Variants in WNT8B observed in about 807,000 individuals in gnomAD.
WNT8B encodes the protein Wnt family member 8B.
A neutral mutation model predicts 36.6 loss-of-function variants in WNT8B; 24 were observed. That is an observed-to-expected ratio of 0.66 (90% confidence interval 0.48 to 0.92). The LOEUF is 0.92. WNT8B is among the 40% of genes least tolerant of loss of function. The pLI is 0.00. For synonymous variants in WNT8B, 199 were observed against 189.8 expected (o/e 1.05, Z -0.40); for missense variants, 402 against 470.8 (o/e 0.85, Z 1.35).
In WNT8B at chr10:100,482,714, A is replaced by C; in HGVS notation, c.954A>C (p.Ala318=). The C allele has an allele frequency of 1.9e-6, 3 of 1,609,012 alleles. No individual in the cohort carries two copies. The highest frequency in any genetic ancestry group is 2.2e-5 in the South Asian group (2 of 90,798). ...SCNCKFHWCC[A]VRCEQCRRRV... is the part of the protein sequence containing the mutation. Reference sequence around the variant, plus strand: ...ACTGCAAGTTCCACTGGTGCTGCGCAGTCCGCTGCGAGCAGTGCCGCCGGA... The same window carrying C: ...ACTGCAAGTTCCACTGGTGCTGCGCCGTCCGCTGCGAGCAGTGCCGCCGGA... The change falls in exon 6 of 6, where the codon GCA becomes GCC. Residue 318 remains alanine, a synonymous_variant. Transcript: ENST00000343737. The surrounding 1 kb of genome is among the most constrained non-coding windows in gnomAD (Gnocchi z 6.6).
chr10:100,468,129 A>G (rs1417823), intron 1 of WNT8B, among the ~76,000 whole-genome samples: 37,087 of 152,148 alleles, frequency 0.24, 4,753 homozygotes, highest in African/African-American at 0.31. Flanking sequence ...AGCTGTGGTT[A>G]ATTAGCAAAG....
intron 1 of WNT8B, among the ~76,000 whole-genome samples, chr10:100,467,167 GGTTT>G (rs1850915908): frequency 6.6e-6 from 1 of 151,838 alleles, no homozygotes; most frequent in Admixed American, 6.6e-5. Context: ...AAACTTTTAT[GGTTT>G]GTTTTTCTCA....
intron 1 of WNT8B, among the ~76,000 whole-genome samples, chr10:100,475,311 T>C (rs1439133293): frequency 4.6e-5 from 7 of 152,058 alleles, no homozygotes; most frequent in African/African-American, 9.7e-5. Flanking sequence ...ATCACACCAC[T>C]GTACTCAAGC....
chr10:100,478,102 G>A (rs995822284), intron 1 of WNT8B, among the ~76,000 whole-genome samples: 7 of 152,102 alleles, frequency 4.6e-5, no homozygotes, highest in African/African-American at 1.7e-4. Context: ...GTTTTAAAAG[G>A]GGCAGCCAAA....
chr10:100,466,750 G>T (rs939856287), intron 1 of WNT8B, among the ~76,000 whole-genome samples: 3 of 151,980 alleles, frequency 2.0e-5, no homozygotes, highest in African/African-American at 7.2e-5. Flanking sequence ...TCCATGGAAA[G>T]ATATTCCTTT....
chr10:100,478,118 T>C (rs1851062979), intron 1 of WNT8B, among the ~76,000 whole-genome samples: 1 of 152,158 alleles, frequency 6.6e-6, no homozygotes, highest in Non-Finnish European at 1.5e-5. Flanking sequence ...CCAAACCATT[T>C]TTCCAAATCG....
chr10:100,463,709 T>C lies in WNT8B; in HGVS notation c.68+473T>C, dbSNP rs539325241. Among the ~76,000 whole-genome samples the C allele has an allele frequency of 2.0e-5, 3 of 152,338 alleles. No homozygotes were observed. The South Asian group carries it at 6.2e-4, about 32-fold the overall frequency. ...AGTAATTGCTCAAATTATCATTTCC[T>C]AGACATAAAAAATTTTATTTGAACC... is the stretch of plus-strand genomic sequence containing the variant. On this transcript the variant is annotated intron_variant, in intron 1 of 5. Transcript: ENST00000343737.
chr10:100,465,096 T>C (rs1850895165), intron 1 of WNT8B, among the ~76,000 whole-genome samples: 1 of 152,136 alleles, frequency 6.6e-6, no homozygotes. Context: ...GGCTGTTCAA[T>C]TGTAGGCCTG....
chr10:100,463,646 G>A (rs891505583), intron 1 of WNT8B, among the ~76,000 whole-genome samples: 16 of 151,864 alleles, frequency 1.1e-4, no homozygotes, highest in African/African-American at 3.6e-4. Flanking sequence ...ATCTTACTTT[G>A]TACTTTCTGA....
At chr10:100,468,969 C>T (rs1336664263) in intron 1 of WNT8B, among the ~76,000 whole-genome samples, 3 of 152,192 alleles carry the variant, frequency 2.0e-5, no homozygotes, top group Non-Finnish European at 4.4e-5. Context: ...TGTCAATTGG[C>T]TTACAAGACT....
At chr10:100,466,519 A>C (rs909194384) in intron 1 of WNT8B, among the ~76,000 whole-genome samples, 2 of 152,176 alleles carry the variant, frequency 1.3e-5, no homozygotes, top group Non-Finnish European at 2.9e-5. Flanking sequence ...AAAGGCTGTG[A>C]GTATCCTGGG....
At chr10:100,474,572 CTTT>C (rs948732485) in intron 1 of WNT8B, among the ~76,000 whole-genome samples, 2 of 150,398 alleles carry the variant, frequency 1.3e-5, no homozygotes, top group African/African-American at 4.9e-5. Context: ...GGACAGTCTT[CTTT>C]TTTTTTTGAG....
At chr10:100,474,464 A>C (rs1851013200) in intron 1 of WNT8B, among the ~76,000 whole-genome samples, 1 of 152,032 alleles carries the variant, frequency 6.6e-6, no homozygotes, top group African/African-American at 2.4e-5. Flanking sequence ...CACAATACTC[A>C]CTATGTTTTC....
In WNT8B at chr10:100,482,086, T is replaced by C. The variant is rs1851120961; in HGVS notation, c.510+32T>C. 1 of 1,613,366 alleles carries C rather than the reference T, an allele frequency of 6.2e-7. No homozygotes were observed. The highest frequency in any genetic ancestry group is 8.5e-7 in the Non-Finnish European group (1 of 1,179,550). On this transcript the variant is annotated intron_variant, in intron 5 of 5. Transcript: ENST00000343737. This position sits in a 1 kb window ranked among gnomAD's most constrained non-coding sequence, Gnocchi z 6.6. The stretch of plus-strand genomic sequence containing the variant: ...CCCGCAGCCCTTGGAAATAGGCAGC[T>C]GCTGGCTATATCCACTACCAGCTCC...
intron 1 of WNT8B, among the ~76,000 whole-genome samples, chr10:100,470,844 C>A (rs901273048): frequency 2.6e-5 from 4 of 152,124 alleles, no homozygotes; most frequent in African/African-American, 9.7e-5. Flanking sequence ...CAGGTTCAAG[C>A]GGATTCTCCT....
intron 1 of WNT8B, among the ~76,000 whole-genome samples, chr10:100,474,138 T>C (rs2133654192): frequency 6.6e-6 from 1 of 151,706 alleles, no homozygotes; most frequent in Admixed American, 6.6e-5. Context: ...AAGTCTAGAG[T>C]TCAAGCAAAT....
At position 100,482,972 on chromosome 10, in the gene WNT8B, C is replaced by G; in HGVS notation, c.*156C>G. 2 of 854,996 alleles carry G rather than the reference C, an allele frequency of 2.3e-6. No individual in the cohort carries two copies. The highest frequency in any genetic ancestry group is 3.4e-6 in the Non-Finnish European group (2 of 585,726). The allele number at this position is 854,996 out of a possible 1,614,324, so 53.0% of individuals were successfully genotyped here. A position where few individuals can be genotyped will look rare whatever the true frequency, so the allele number is the denominator to read the frequency against. ...TTCTCCAAAGCTTGCCACTTTCCAG[C>G]CTGTTTCCCCAATTCCTCTGTGCTC... is the stretch of plus-strand genomic sequence containing the variant. On this transcript the variant is annotated 3_prime_UTR_variant, in exon 6 of 6. Coordinates refer to ENST00000343737, the MANE Select transcript of WNT8B (RefSeq NM_003393.4). This position sits in a 1 kb window ranked among gnomAD's most constrained non-coding sequence, Gnocchi z 6.6.
chr10:100,482,802 G>A lies in WNT8B; in HGVS notation c.1042G>A (p.Gly348Arg), dbSNP rs1354914559. Residue 348 changes from glycine (G) to arginine (R), a missense_variant, in exon 6 of 6, where the codon GGG becomes AGG. Gly to Arg is a moderately radical substitution (Grantham distance 125, BLOSUM62 -2). This residue lies in a region of WNT8B where 256 missense variants were observed against 278.6 expected (regional missense o/e 0.92). Coordinates refer to ENST00000343737, the MANE Select transcript of WNT8B (RefSeq NM_003393.4). This position sits in a 1 kb window ranked among gnomAD's most constrained non-coding sequence, Gnocchi z 6.6. ...RPRGGAAHKPGRKP is the reference protein window; with the variant it reads ...RPRGGAAHKPRRKP ...GCGGGGGGGCGCTGCGCACAAACCC[G>A]GGAGAAAACCCTAAGGGTTTCCTCT... 1.3e-6 allele frequency: 2 copies of A among 1,574,120 alleles called. No homozygotes were observed. The highest frequency in any genetic ancestry group is 1.7e-6 in the Non-Finnish European group (2 of 1,158,906).
chr10:100,482,396 C>G lies in WNT8B; in HGVS notation c.636C>G (p.Tyr212Ter). The G allele has an allele frequency of 6.2e-7, 1 of 1,607,274 alleles. No individual in the cohort carries two copies. The highest frequency in any genetic ancestry group is 8.5e-7 in the Non-Finnish European group (1 of 1,179,970). ...TGGGCGCGCACCTGAAGGAGAAGTA[C>G]CACGCAGCACTCAAGGTGGACCTGC... ...REVGAHLKEKYHAALKVDLLQ... is the reference protein window; with the variant it reads ...REVGAHLKEK Residue 212 changes from tyrosine (Y) to a stop codon, truncating the protein, a stop_gained, in exon 6 of 6, where the codon TAC becomes TAG. Coordinates refer to ENST00000343737, the MANE Select transcript of WNT8B (RefSeq NM_003393.4). LOFTEE classifies it high-confidence loss of function. This position sits in a 1 kb window ranked among gnomAD's most constrained non-coding sequence, Gnocchi z 6.6.
Sources: allele counts gnomAD v4.1 joint callset (sites outside exome capture counted in the v4.1 genomes callset), GRCh38; gene constraint gnomAD v4.1.1; regional missense constraint gnomAD v4.1.1; non-coding constraint Gnocchi (gnomAD v3.1); transcripts MANE v1.5; gene names NCBI Gene and HGNC (gene_info 2026-07-23, HGNC 2026-07-21).